Variants in ZFPM2 observed in about 807,000 individuals in gnomAD.
ZFPM2 encodes the protein zinc finger protein, FOG family member 2.
In ZFPM2, 20 loss-of-function variants were observed where a neutral mutation model predicts 98.6. The observed-to-expected ratio is 0.20, with a 90% CI of 0.14 to 0.29. The LOEUF (loss-of-function observed/expected upper bound fraction) is 0.29, where lower values mean the gene tolerates loss of function less well. ZFPM2 is among the 10% of genes least tolerant of loss of function. ZFPM2 has a pLI of 1.00. For missense variants in ZFPM2, 1,310 were observed against 1,388.6 expected, an observed-to-expected ratio of 0.94 and a Z score of 0.90; for synonymous variants, 518 against 502.7, an observed-to-expected ratio of 1.03 and a Z score of -0.41.
chr8:105,326,164 A>G (rs1812111282), intron 1 of ZFPM2, among the ~76,000 whole-genome samples: 1 of 151,678 alleles, frequency 6.6e-6, no homozygotes, highest in African/African-American at 2.4e-5. Flanking sequence ...AATCCTAAAC[A>G]ATAAGGTGAA....
At chr8:105,416,503 G>A (rs951026346) in intron 1 of ZFPM2, among the ~76,000 whole-genome samples, 9 of 151,438 alleles carry the variant, frequency 5.9e-5, no homozygotes, top group East Asian at 1.9e-4. Flanking sequence ...TAATTGAAGA[G>A]CATCCAGAAA....
intron 5 of ZFPM2, among the ~76,000 whole-genome samples, chr8:105,746,166 G>T (rs150289105): frequency 1.6e-3 from 245 of 151,868 alleles, no homozygotes; most frequent in African/African-American, 5.4e-3. Flanking sequence ...TAAATAGGTG[G>T]TCTGTGGCTT....
At chr8:105,532,331 G>C (rs1439724057) in intron 3 of ZFPM2, among the ~76,000 whole-genome samples, 1 of 152,140 alleles carries the variant, frequency 6.6e-6, no homozygotes, top group Non-Finnish European at 1.5e-5. Flanking sequence ...TTAAGAGCCA[G>C]ATTTTCAAAT....
At chr8:105,338,351 A>T (rs1355634011) in intron 1 of ZFPM2, among the ~76,000 whole-genome samples, 1 of 151,766 alleles carries the variant, frequency 6.6e-6, no homozygotes, top group Non-Finnish European at 1.5e-5. Context: ...GGCACCTGAA[A>T]GACAGCAAGT....
intron 3 of ZFPM2, among the ~76,000 whole-genome samples, chr8:105,469,710 C>G (rs1231454792): frequency 1.3e-5 from 2 of 152,182 alleles, no homozygotes; most frequent in African/African-American, 4.8e-5. Flanking sequence ...GAGTTTACCA[C>G]ATTCCAGTAA....
intron 4 of ZFPM2, among the ~76,000 whole-genome samples, chr8:105,575,081 C>A (rs1373208052): frequency 2.0e-5 from 3 of 152,068 alleles, no homozygotes; most frequent in East Asian, 3.8e-4. Flanking sequence ...GTGAAAATGA[C>A]AACTCTTCAA....
chr8:105,349,090 C>T (rs561999440), intron 1 of ZFPM2, among the ~76,000 whole-genome samples: 55 of 152,146 alleles, frequency 3.6e-4, no homozygotes, highest in African/African-American at 1.0e-3. Flanking sequence ...TAAATTGTCC[C>T]GCTACAGGTT....
At chr8:105,638,410 C>T (rs1816889730) in intron 5 of ZFPM2, among the ~76,000 whole-genome samples, 1 of 152,072 alleles carries the variant, frequency 6.6e-6, no homozygotes, top group South Asian at 2.1e-4. Context: ...CCAGGTATCA[C>T]ATATTATTTC....
intron 3 of ZFPM2, among the ~76,000 whole-genome samples, chr8:105,522,888 T>C: frequency 6.6e-6 from 1 of 152,236 alleles, no homozygotes; most frequent in East Asian, 1.9e-4. Context: ...CTAGGTTCCA[T>C]TGCAAAGCCT....
At chr8:105,547,177 C>G (rs1468950790) in intron 3 of ZFPM2, among the ~76,000 whole-genome samples, 1 of 152,086 alleles carries the variant, frequency 6.6e-6, no homozygotes, top group African/African-American at 2.4e-5. Context: ...TGTGCCTATT[C>G]CACTTCAACT....
intron 3 of ZFPM2, among the ~76,000 whole-genome samples, chr8:105,539,875 A>T (rs1814539921): frequency 6.6e-6 from 1 of 152,152 alleles, no homozygotes; most frequent in Non-Finnish European, 1.5e-5. Context: ...TTGTTTTATT[A>T]TTCATTCATG....
At chr8:105,772,349 A>G (rs780616314) in intron 5 of ZFPM2, among the ~76,000 whole-genome samples, 12 of 152,196 alleles carry the variant, frequency 7.9e-5, no homozygotes, top group Non-Finnish European at 1.8e-4. Context: ...AAGGATGCTC[A>G]GGTAAAATTT....
chr8:105,534,922 G>GA (rs752704509), intron 3 of ZFPM2, among the ~76,000 whole-genome samples: 223 of 152,142 alleles, frequency 1.5e-3, no homozygotes, highest in Middle Eastern at 3.4e-3. Flanking sequence ...AATGACCAAA[G>GA]AAAAATCTGT....
At chr8:105,489,424 A>C (rs1180001435) in intron 3 of ZFPM2, among the ~76,000 whole-genome samples, 1 of 144,142 alleles carries the variant, frequency 6.9e-6, no homozygotes, top group Non-Finnish European at 1.5e-5. Flanking sequence ...TATATCTTTT[A>C]TATATATTTA....
At chr8:105,519,735 T>A (rs1175503103) in intron 3 of ZFPM2, among the ~76,000 whole-genome samples, 1 of 152,024 alleles carries the variant, frequency 6.6e-6, no homozygotes, top group Non-Finnish European at 1.5e-5. Context: ...ATAGGAACAC[T>A]TGACTTCATG....
intron 5 of ZFPM2, among the ~76,000 whole-genome samples, chr8:105,733,932 C>T (rs1563541530): frequency 6.6e-6 from 1 of 151,846 alleles, no homozygotes; most frequent in Non-Finnish European, 1.5e-5. Context: ...GGACATTTTG[C>T]AACAGCCAAG....
chr8:105,321,497 A>G (rs1812024399), intron 1 of ZFPM2, among the ~76,000 whole-genome samples: 1 of 152,210 alleles, frequency 6.6e-6, no homozygotes, highest in African/African-American at 2.4e-5. Flanking sequence ...CACTGCTGAT[A>G]AAACATACCC....
intron 5 of ZFPM2, among the ~76,000 whole-genome samples, chr8:105,740,918 T>C (rs1052357800): frequency 2.6e-5 from 4 of 152,014 alleles, no homozygotes; most frequent in Admixed American, 1.3e-4. Flanking sequence ...AAGACCTTAC[T>C]TGAGAAAGAA....
chr8:105,350,450 G>T (rs1399776736), intron 1 of ZFPM2, among the ~76,000 whole-genome samples: 4 of 152,140 alleles, frequency 2.6e-5, no homozygotes, highest in Non-Finnish European at 4.4e-5. Context: ...AATATTCATA[G>T]AATAAATAAT....
Sources: allele counts gnomAD v4.1 joint callset (sites outside exome capture counted in the v4.1 genomes callset), GRCh38; gene constraint gnomAD v4.1.1; transcripts MANE v1.5; gene names NCBI Gene and HGNC (gene_info 2026-07-23, HGNC 2026-07-21).